The following GABRP variants were observed in gnomAD, a reference collection of about 807,000 sequenced individuals.
GABRP encodes the protein gamma-aminobutyric acid type A receptor subunit pi, also known as gamma-aminobutyric acid receptor subunit pi.
A neutral mutation model predicts 47.8 loss-of-function variants in GABRP; 52 were observed. The observed-to-expected ratio is 1.09, with a 90% CI of 0.87 to 1.37. The LOEUF is 1.37. GABRP is among the 40% of genes most tolerant of loss of function. The pLI is 0.00. For missense variants in GABRP, 525 were observed against 542.8 expected, an observed-to-expected ratio of 0.97 and a Z score of 0.33; for synonymous variants, 221 against 205.8, an observed-to-expected ratio of 1.07 and a Z score of -0.63.
Position 170,789,518 on chromosome 5 carries a change from C to G in GABRP, c.172+271C>G, listed in dbSNP as rs190389282. On this transcript the variant is annotated intron_variant, in intron 3 of 9. Coordinates refer to ENST00000265294, the MANE Select transcript of GABRP (RefSeq NM_014211.3). The stretch of plus-strand genomic sequence containing the variant: ...ACACTCACACACTGTCGTCCTCCTG[C>G]CCCCACTTCCAGGGTCATTATTCAA... Among the ~76,000 whole-genome samples, 172 of 152,264 alleles carry G rather than the reference C, an allele frequency of 1.1e-3. 1 individual carries two copies. Among genetic ancestry groups the G allele is most frequent in the African/African-American group, 3.9e-3 (164 of 41,560 alleles).
At chr5:170,807,811 G>C (rs1765776026) in intron 7 of GABRP, among the ~76,000 whole-genome samples, 1 of 151,718 alleles carries the variant, frequency 6.6e-6, no homozygotes, top group African/African-American at 2.4e-5. Context: ...GCTTTAATTT[G>C]GGGGTGACAG....
chr5:170,787,893 G>T (rs188740654), intron 1 of GABRP, among the ~76,000 whole-genome samples: 214 of 152,288 alleles, frequency 1.4e-3, no homozygotes, highest in African/African-American at 4.9e-3. Flanking sequence ...GTCAAGGTGA[G>T]TGTAGAGTTG....
At chr5:170,809,948 A>G in intron 9 of GABRP, 193 bp downstream of exon 9, 1 of 701,640 alleles carries the variant, frequency 1.4e-6, no homozygotes, top group Non-Finnish European at 2.6e-6. Context: ...CTTTTCACCA[A>G]ATACAATGAG....
intron 9 of GABRP, among the ~76,000 whole-genome samples, chr5:170,811,708 G>C (rs1215257752): frequency 6.6e-6 from 1 of 152,210 alleles, no homozygotes; most frequent in East Asian, 1.9e-4. Flanking sequence ...CACTGCTCAG[G>C]ATATCCACAG....
At chr5:170,809,282 G>T (rs1375108996) in intron 8 of GABRP, among the ~76,000 whole-genome samples, 2 of 151,926 alleles carry the variant, frequency 1.3e-5, no homozygotes, top group Non-Finnish European at 2.9e-5. Flanking sequence ...GACAAGTAAG[G>T]GATCATTGTG....
At chr5:170,783,386 T>C (rs911110852), upstream of GABRP, among the ~76,000 whole-genome samples, 3 of 152,138 alleles carry the variant, frequency 2.0e-5, no homozygotes, top group Non-Finnish European at 4.4e-5. Flanking sequence ...GTGGCCACTA[T>C]AGCCATTCCA....
chr5:170,790,067 G>A (rs1445472546), intron 3 of GABRP, among the ~76,000 whole-genome samples: 1 of 152,144 alleles, frequency 6.6e-6, no homozygotes, highest in East Asian at 1.9e-4. Context: ...CCAGGCTGCA[G>A]CCCTAGAAGG....
chr5:170,806,094 G>C (rs537718477), intron 7 of GABRP, among the ~76,000 whole-genome samples: 25 of 152,138 alleles, frequency 1.6e-4, no homozygotes, highest in Admixed American at 1.1e-3. Context: ...ACTTGCTAAT[G>C]AGTGCTCAAA....
intron 3 of GABRP, among the ~76,000 whole-genome samples, chr5:170,791,531 G>A (rs1765269081): frequency 6.6e-6 from 1 of 152,226 alleles, no homozygotes; most frequent in African/African-American, 2.4e-5. Context: ...CTCGTTCCTG[G>A]GAGAAAGCTG....
chr5:170,810,171 A>G (rs1431340983), intron 9 of GABRP: 3 of 450,118 alleles, frequency 6.7e-6, no homozygotes, highest in South Asian at 5.5e-5. Flanking sequence ...TGAAAAATGT[A>G]TGGAAATATT....
rs906212408 is a variant in GABRP at position 170,808,598 on chromosome 5, A to G, written c.680-2A>G. ...TTTCCTATCTGTTGTTTACCCTTTC[A>G]GGAAATTACACTAGATTGGTCTTAC... On this transcript the variant is annotated splice_acceptor_variant, in intron 7 of 9. Transcript: ENST00000265294. LOFTEE classifies it high-confidence loss of function. The G allele has an allele frequency of 9.3e-6, 15 of 1,613,114 alleles. No individual in the cohort carries two copies. Among genetic ancestry groups the G allele is most frequent in the Non-Finnish European group, 1.2e-5 (14 of 1,179,496 alleles).
At chr5:170,791,304 G>A (rs965772637) in intron 3 of GABRP, among the ~76,000 whole-genome samples, 4 of 152,206 alleles carry the variant, frequency 2.6e-5, no homozygotes, top group African/African-American at 9.7e-5. Flanking sequence ...CTTGTTTTGT[G>A]CCTCTTGGCA....
At chr5:170,786,797 G>C (rs541518241) in intron 1 of GABRP, among the ~76,000 whole-genome samples, 113 of 152,142 alleles carry the variant, frequency 7.4e-4, no homozygotes, top group Non-Finnish European at 1.3e-3. Context: ...ATAAATGTTT[G>C]CTATAATTAA....
At chr5:170,787,829 A>C (rs572468811) in intron 1 of GABRP, among the ~76,000 whole-genome samples, 1 of 152,282 alleles carries the variant, frequency 6.6e-6, no homozygotes, top group South Asian at 2.1e-4. Context: ...TCCTGTCTAC[A>C]TGACTGACCC....
chr5:170,791,234 G>C (rs13189911), intron 3 of GABRP, among the ~76,000 whole-genome samples: 2,311 of 152,298 alleles, frequency 0.015, 44 homozygotes, highest in South Asian at 0.086. Context: ...ATCCCACCTG[G>C]GGTGAAAATG....
chr5:170,802,095 C>A (rs1027362259), intron 6 of GABRP, among the ~76,000 whole-genome samples: 1 of 152,152 alleles, frequency 6.6e-6, no homozygotes, highest in Non-Finnish European at 1.5e-5. Context: ...CACAGTCATG[C>A]CAGTAAATGG....
chr5:170,804,107 G>GT (rs1270252072), intron 6 of GABRP, among the ~76,000 whole-genome samples: 1 of 151,692 alleles, frequency 6.6e-6, no homozygotes, highest in African/African-American at 2.4e-5. Context: ...CACTTAGCAT[G>GT]TTTTTGAGGT....
At chr5:170,799,741 C>G (rs1285776185) in intron 6 of GABRP, among the ~76,000 whole-genome samples, 3 of 152,172 alleles carry the variant, frequency 2.0e-5, no homozygotes, top group Admixed American at 2.0e-4. Flanking sequence ...TGCCTGTTCA[C>G]TCTGATTGTA....
intron 1 of GABRP, 100 bp from the exon 2 acceptor site, chr5:170,788,474 G>C: frequency 1.4e-6 from 1 of 728,360 alleles, no homozygotes; most frequent in Non-Finnish European, 2.4e-6. Flanking sequence ...TATGCATGCT[G>C]AGAAAATGCT....
Sources: gnomAD v4.1 joint callset for allele counts (sites outside exome capture counted in the v4.1 genomes callset) on GRCh38, gnomAD v4.1.1 for gene constraint, MANE v1.5 for transcripts, NCBI Gene and HGNC (gene_info 2026-07-23, HGNC 2026-07-21) for gene names.